Variants in IQCM observed in about 807,000 individuals in gnomAD.
IQCM encodes the protein IQ domain-containing protein M.
Under a neutral mutation model 57.6 loss-of-function variants are expected in IQCM, and 45 were observed. The ratio of observed to expected loss-of-function variants is 0.78; its 90% CI spans 0.62 to 1.00. The LOEUF is 1.00. Ranked by LOEUF, IQCM falls within the 50% of genes least tolerant of loss-of-function variation. The probability of loss-of-function intolerance (pLI) is 0.00; values close to 1 mark genes in which losing one functional copy is unlikely to be tolerated. For synonymous variants in IQCM, 148 were observed against 158.9 expected (o/e 0.93, Z 0.51); for missense variants, 468 against 511.6 (o/e 0.91, Z 0.82).
At chr4:149,472,157 A>G (rs1326224867) in intron 12 of IQCM, among the ~76,000 whole-genome samples, 2 of 152,200 alleles carry the variant, frequency 1.3e-5, no homozygotes, top group Non-Finnish European at 2.9e-5. Context: ...AGGGTATTCA[A>G]TTAGGAAAAG....
intron 13 of IQCM, among the ~76,000 whole-genome samples, chr4:149,362,724 C>A (rs927616051): frequency 1.3e-5 from 2 of 152,110 alleles, no homozygotes; most frequent in African/African-American, 4.8e-5. Context: ...ACTAATACAA[C>A]TAATGTTGTT....
chr4:149,677,561 C>A (rs1345874394), intron 7 of IQCM, among the ~76,000 whole-genome samples: 1 of 151,936 alleles, frequency 6.6e-6, no homozygotes, highest in Non-Finnish European at 1.5e-5. Context: ...ACAGAGAAGA[C>A]AACAATAAAT....
intron 12 of IQCM, among the ~76,000 whole-genome samples, chr4:149,456,219 A>C (rs956392758): frequency 7.2e-5 from 11 of 152,040 alleles, no homozygotes; most frequent in Admixed American, 7.2e-4. Flanking sequence ...ATATGATTTC[A>C]TGGTAATAAA....
Position 149,563,838 on chromosome 4 carries a change from T to G in IQCM, c.802A>C (p.Ile268Leu), listed in dbSNP as rs139689171. ...TGGAAGATTTCTATGTGTGGTCCAA[T>G]TCTTTTAACTTTACTGTCAAGTTTA... is the stretch of plus-strand genomic sequence containing the variant. ...TDKLDSKVKR[I>L]GPHIEIFQVF... Residue 268 changes from isoleucine to leucine, a missense_variant, in exon 10 of 14, where the codon ATT (isoleucine) becomes CTT (leucine). Ile to Leu is a conservative substitution (Grantham distance 5, BLOSUM62 2). Transcript: ENST00000636793. 5.9e-4 allele frequency: 727 copies of G among 1,231,908 alleles called. 10 individuals are homozygous for G. In the East Asian group the frequency reaches 0.022, roughly 37 times the overall value. 76.3% of individuals were successfully genotyped at this position (1,231,908 alleles called of 1,614,324 possible).
rs1345771848 is a variant in IQCM at position 149,655,186 on chromosome 4, T to C, written c.565+26932A>G. ...GTAATCCACTTTCTGCCACCATCAA[T>C]ACTTATTGACTGTATATTCAGTCTC... is the stretch of plus-strand genomic sequence containing the variant. On this transcript the variant is annotated intron_variant, in intron 7 of 13. Coordinates refer to ENST00000636793, the MANE Select transcript of IQCM (RefSeq NM_001363507.2). 2.0e-5 allele frequency among the ~76,000 whole-genome samples: 3 copies of C among 152,150 alleles called. No individual in the cohort carries two copies. The East Asian group carries it at 5.8e-4, about 29-fold the overall frequency.
intron 5 of IQCM, among the ~76,000 whole-genome samples, chr4:149,710,035 G>T (rs1302665992): frequency 1.3e-5 from 2 of 152,078 alleles, no homozygotes; most frequent in Non-Finnish European, 2.9e-5. Context: ...GGGAAAGAAT[G>T]ATCCAAATTT....
chr4:149,718,931 T>A (rs1253202210), intron 5 of IQCM, among the ~76,000 whole-genome samples: 1 of 152,190 alleles, frequency 6.6e-6, no homozygotes, highest in Non-Finnish European at 1.5e-5. Flanking sequence ...AGCAAAGACC[T>A]TTTTCCCAAA....
chr4:149,799,578 C>T (rs1231395750), intron 2 of IQCM, among the ~76,000 whole-genome samples: 1 of 151,424 alleles, frequency 6.6e-6, no homozygotes, highest in African/African-American at 2.4e-5. Flanking sequence ...ACTAAAATGA[C>T]CAACCTTTAG....
intron 2 of IQCM, among the ~76,000 whole-genome samples, chr4:149,805,111 G>T (rs747434242): frequency 6.6e-6 from 1 of 152,064 alleles, no homozygotes; most frequent in African/African-American, 2.4e-5. Context: ...TGAGCAGTAA[G>T]AAATATGAGA....
At chr4:149,428,121 C>A (rs1734582393) in intron 13 of IQCM, among the ~76,000 whole-genome samples, 1 of 151,688 alleles carries the variant, frequency 6.6e-6, no homozygotes, top group Admixed American at 6.6e-5. Context: ...TCCTACAGAA[C>A]ACTTCAAAGA....
intron 8 of IQCM, among the ~76,000 whole-genome samples, chr4:149,589,674 G>A (rs1055549806): frequency 1.3e-5 from 2 of 151,838 alleles, no homozygotes; most frequent in African/African-American, 2.4e-5. Context: ...ACAATAACCC[G>A]GAAAATTGTT....
chr4:149,790,109 C>T (rs1772454136), intron 2 of IQCM: 1 of 679,442 alleles, frequency 1.5e-6, no homozygotes, highest in Admixed American at 2.9e-5. Flanking sequence ...AAAAAAAGAA[C>T]AGCCCTTATT....
At position 149,377,547 on chromosome 4, in the gene IQCM, T is replaced by A. The variant is rs1295960612; in HGVS notation, c.1391-25481A>T. ...GTCTTCTTTTTTCACTCTCTTGATG[T>A]CCTCATTCAGTACTGTGTCTTTAAA... On this transcript the variant is annotated intron_variant, in intron 13 of 13. Coordinates refer to ENST00000636793, the MANE Select transcript of IQCM (RefSeq NM_001363507.2). 3.9e-5 allele frequency among the ~76,000 whole-genome samples: 6 copies of A among 152,326 alleles called. No individual in the cohort carries two copies. The East Asian group carries it at 1.2e-3, about 29-fold the overall frequency.
chr4:149,688,265 A>C (rs1206597559), intron 5 of IQCM, among the ~76,000 whole-genome samples: 1 of 152,080 alleles, frequency 6.6e-6, no homozygotes, highest in African/African-American at 2.4e-5. Context: ...TCCAGATACA[A>C]GATTAATGTA....
chr4:149,491,442 C>A (rs958948445), intron 12 of IQCM, among the ~76,000 whole-genome samples: 21 of 152,038 alleles, frequency 1.4e-4, no homozygotes, highest in Admixed American at 6.6e-4. Context: ...CCCTGGTAAA[C>A]CATCATTCTA....
At chr4:149,538,655 AGGC>A (rs1287466124) in intron 12 of IQCM, among the ~76,000 whole-genome samples, 17 of 152,096 alleles carry the variant, frequency 1.1e-4, no homozygotes, top group African/African-American at 3.8e-4. Flanking sequence ...ATTTGCAAAT[AGGC>A]TGAAAGAAAA....
intron 5 of IQCM, among the ~76,000 whole-genome samples, chr4:149,719,309 A>C (rs1256508123): frequency 6.6e-6 from 1 of 151,338 alleles, no homozygotes; most frequent in Non-Finnish European, 1.5e-5. Flanking sequence ...GCATCATTGC[A>C]CTCTAGCCTG....
At position 149,524,753 on chromosome 4, in the gene IQCM, C is replaced by T. The variant is rs193107096; in HGVS notation, c.1228+23702G>A. 5.5e-4 allele frequency among the ~76,000 whole-genome samples: 83 copies of T among 151,682 alleles called. 3 individuals carry two copies. Among genetic ancestry groups the T allele is most frequent in the African/African-American group, 1.9e-3 (79 of 41,436 alleles). Reference sequence around the variant, plus strand: ...TAATTAATCCCATAGAAAATCTTTGCAAGCTTTCAAAGGAAGAGTAGAGAA... The same window carrying T: ...TAATTAATCCCATAGAAAATCTTTGTAAGCTTTCAAAGGAAGAGTAGAGAA... On this transcript the variant is annotated intron_variant, in intron 12 of 13. Coordinates refer to ENST00000636793, the MANE Select transcript of IQCM (RefSeq NM_001363507.2).
At chr4:149,561,151 T>G (rs940125115) in intron 10 of IQCM, among the ~76,000 whole-genome samples, 1 of 152,156 alleles carries the variant, frequency 6.6e-6, no homozygotes, top group African/African-American at 2.4e-5. Flanking sequence ...AAGTCAACAA[T>G]CTACTTTATA....
Sources: gnomAD v4.1 joint callset for allele counts (sites outside exome capture counted in the v4.1 genomes callset) on GRCh38, gnomAD v4.1.1 for gene constraint, MANE v1.5 for transcripts, NCBI Gene and HGNC (gene_info 2026-07-23, HGNC 2026-07-21) for gene names.